The following PPOX variants were observed in gnomAD, a reference collection of about 807,000 sequenced individuals.
The protein encoded by PPOX is variegate porphyria.
In PPOX, 23 loss-of-function variants were observed where a neutral mutation model predicts 54.1. That is an observed-to-expected ratio of 0.43 (90% CI 0.31 to 0.60). The LOEUF is 0.60. PPOX is among the 20% of genes least tolerant of loss of function. PPOX has a pLI of 0.13. For missense variants in PPOX, 512 were observed against 601.1 expected, an observed-to-expected ratio of 0.85 and a Z score of 1.55; for synonymous variants, 224 against 236.1, an observed-to-expected ratio of 0.95 and a Z score of 0.47.
chr1:161,172,961 G>A (rs745977203), downstream of PPOX, among the ~76,000 whole-genome samples: 1 of 151,952 alleles, frequency 6.6e-6, no homozygotes, highest in Admixed American at 6.6e-5. Context: ...CTGACACACA[G>A]AAGCATGGAG....
chr1:161,176,016 A>G (rs1382855156), downstream of PPOX: 3 of 1,614,138 alleles, frequency 1.9e-6, no homozygotes, highest in Non-Finnish European at 2.5e-6. Flanking sequence ...GGGAGCCCAC[A>G]AGCAGGGCCA....
intron 9 of PPOX, 88 bp from the exon 10 acceptor site, chr1:161,170,321 T>TCACC: frequency 1.6e-5 from 6 of 367,758 alleles, no homozygotes; most frequent in Admixed American, 3.5e-5. Flanking sequence ...TGAGACTCTG[T>TCACC]CCCCCCCACC....
downstream of PPOX, chr1:161,175,748 A>T: frequency 4.4e-6 from 7 of 1,588,702 alleles, no homozygotes; most frequent in Non-Finnish European, 6.0e-6. Context: ...CCCTATCCCC[A>T]AGCCTCCCTG....
Position 161,167,982 on chromosome 1 carries a change from T to C in PPOX, c.339-13T>C, listed in dbSNP as rs759360475. 1 of 1,614,090 alleles carries C rather than the reference T, an allele frequency of 6.2e-7. No homozygotes were observed. The highest frequency in any genetic ancestry group is 1.1e-5 in the South Asian group (1 of 91,078). ...TCAGGAGCTTCCCCCTCACTATGCCTTTCTCCATGCAGGGGGCTACTCCGC... is the reference window on the plus strand; with the variant it reads ...TCAGGAGCTTCCCCCTCACTATGCCCTTCTCCATGCAGGGGGCTACTCCGC... On this transcript the variant is annotated splice_polypyrimidine_tract_variant and intron_variant, in intron 4 of 12. Transcript: ENST00000367999.
chr1:161,173,764 C>A (rs374580216), downstream of PPOX: 6 of 1,613,268 alleles, frequency 3.7e-6, no homozygotes, highest in African/African-American at 4.0e-5. Context: ...CCCGAGTCTT[C>A]TGGGGACACA....
At chr1:161,174,595 G>T (rs114875710), downstream of PPOX, among the ~76,000 whole-genome samples, 890 of 152,184 alleles carry the variant, frequency 5.8e-3, 2 homozygotes, top group Non-Finnish European at 8.1e-3. Flanking sequence ...CCTGACAATT[G>T]GCAACCAACA....
At chr1:161,176,041 T>C (rs767705643), downstream of PPOX, 1 of 1,613,784 alleles carries the variant, frequency 6.2e-7, no homozygotes, top group East Asian at 2.2e-5. Context: ...GCAAGGCCGC[T>C]CCAGCAGCCT....
chr1:161,168,153 C>T (rs1420805933), intron 5 of PPOX, 26 bp downstream of exon 5: 1 of 1,614,150 alleles, frequency 6.2e-7, no homozygotes, highest in Non-Finnish European at 8.5e-7. Context: ...AGGCCCCAAA[C>T]CTCTTCCCTC....
rs751604188 is a variant in PPOX at position 161,167,449 on chromosome 1, G to T, written c.301G>T (p.Val101Leu). 6.2e-7 allele frequency: 1 copy of T among 1,612,780 alleles called. No individual in the cohort carries two copies. The highest frequency in any genetic ancestry group is 1.1e-5 in the South Asian group (1 of 91,014). The part of the protein sequence containing the change: ...HPAAQNRFLY[V>L]GGALHALPTG... ...AGCTGCCCAGAACAGGTTCCTCTAC[G>T]TGGGCGGTGCCCTGCATGCCCTACC... Residue 101 changes from valine (V) to leucine (L), a missense_variant, in exon 4 of 13, where the codon GTG becomes TTG. Coordinates refer to ENST00000367999, the MANE Select transcript of PPOX (RefSeq NM_001122764.3).
chr1:161,170,770 G>C lies in PPOX; in HGVS notation c.1248+1G>C. On this transcript the variant is annotated splice_donor_variant, in intron 11 of 12. Coordinates refer to ENST00000367999, the MANE Select transcript of PPOX (RefSeq NM_001122764.3). LOFTEE classifies it high-confidence loss of function. ...CCACTGCTTGGTCCATCTACACAAG[G>C]TAAGTTGGGATAAACTTCCCTCAGC... 1.9e-6 allele frequency: 3 copies of C among 1,614,098 alleles called. No individual in the cohort carries two copies. The highest frequency in any genetic ancestry group is 2.5e-6 in the Non-Finnish European group (3 of 1,180,028).
rs1331079232 is a variant in PPOX, at chr1:161,166,485, T to C, written c.-196T>C. On this transcript the variant is annotated 5_prime_UTR_variant, in exon 1 of 13. Coordinates refer to ENST00000367999, the MANE Select transcript of PPOX (RefSeq NM_001122764.3). ...GTGGGAGTAGCGGATTTGAAGCACT[T>C]GTTGGCCTACAGAGGTGTGGCAAGC... The C allele has an allele frequency of 5.5e-6, 7 of 1,268,278 alleles. No homozygotes were observed. In the African/African-American group the frequency reaches 7.6e-5, roughly 14 times the overall value. The allele number at this position is 1,268,278 out of a possible 1,614,324, so 78.6% of individuals were successfully genotyped here.
Position 161,166,846 on chromosome 1 carries a change from G to GC in PPOX, c.-1dup. On this transcript the variant is annotated 5_prime_UTR_variant, in exon 2 of 13. Transcript: ENST00000367999. Reference sequence around the variant, plus strand: ...ATCGCCCCCTTTCCCCCAGGTTTCCGCATGGGCCGGACCGTGGTCGTGCTG... The same window carrying GC: ...ATCGCCCCCTTTCCCCCAGGTTTCCGCCATGGGCCGGACCGTGGTCGTGCTG... 6.2e-7 allele frequency: 1 copy of GC among 1,613,174 alleles called. No individual in the cohort carries two copies.
rs749404055 is a variant in PPOX, at chr1:161,168,364, A to C, written c.472-68A>C. 4 of 1,608,404 alleles carry C rather than the reference A, an allele frequency of 2.5e-6. No individual in the cohort carries two copies. The South Asian group carries it at 4.4e-5, about 18-fold the overall frequency. ...CTATCCCACCCTCATTCCCTACCAA[A>C]TAGGGGCTGTGGAAATCAGTCAGTG... On this transcript the variant is annotated intron_variant, in intron 5 of 12. Coordinates refer to ENST00000367999, the MANE Select transcript of PPOX (RefSeq NM_001122764.3).
downstream of PPOX, chr1:161,175,836 G>C (rs781538101): frequency 6.2e-7 from 1 of 1,614,136 alleles, no homozygotes; most frequent in Non-Finnish European, 8.5e-7. Flanking sequence ...CTGGACAGTA[G>C]GGCAGACCTT....
chr1:161,168,661 C>A (rs1434303077), intron 6 of PPOX, 85 bp downstream of exon 6: 10 of 1,530,896 alleles, frequency 6.5e-6, no homozygotes, highest in Non-Finnish European at 8.1e-6. Context: ...TTCAATGATT[C>A]TTTTTTTCTT....
downstream of PPOX, chr1:161,175,218 C>A (rs1571512467): frequency 6.2e-7 from 1 of 1,612,396 alleles, no homozygotes; most frequent in African/African-American, 1.3e-5. Flanking sequence ...AGGACACCGA[C>A]ACAGGACCCA....
chr1:161,168,314 G>A (rs1180240037), intron 5 of PPOX, 118 bp from the exon 6 acceptor site: 2 of 1,563,608 alleles, frequency 1.3e-6, no homozygotes, highest in Admixed American at 1.7e-5. Flanking sequence ...ATCCGTCACA[G>A]TGGGAATGTC....
Position 161,167,132 on chromosome 1 carries a change from A to T in PPOX, c.120A>T (p.Gly40=). Residue 40 remains glycine (G), a synonymous_variant, in exon 3 of 13, where the codon GGA becomes GGT. Coordinates refer to ENST00000367999, the MANE Select transcript of PPOX (RefSeq NM_001122764.3). Reference sequence around the variant, plus strand: ...TAGTGGAGAGCAGTGAGCGTCTGGGAGGCTGGATTCGCTCCGTTCGAGGCC... The same window carrying T: ...TAGTGGAGAGCAGTGAGCGTCTGGGTGGCTGGATTCGCTCCGTTCGAGGCC... ...VVLVESSERL[G]GWIRSVRGPN... is the part of the protein sequence containing the mutation. 6.2e-7 allele frequency: 1 copy of T among 1,614,022 alleles called. No homozygotes were observed. Among genetic ancestry groups the T allele is most frequent in the Non-Finnish European group, 8.5e-7 (1 of 1,180,014 alleles).
At chr1:161,177,022 C>T in exon 5 of PPOX, 1 of 1,535,966 alleles carries the variant, frequency 6.5e-7, no homozygotes, top group East Asian at 2.4e-5. Flanking sequence ...AGCCCCGGAG[C>T]TCGGCGGAGA....
Sources: allele counts gnomAD v4.1 joint callset (sites outside exome capture counted in the v4.1 genomes callset), GRCh38; gene constraint gnomAD v4.1.1; transcripts MANE v1.5; gene names NCBI Gene and HGNC (gene_info 2026-07-23, HGNC 2026-07-21).